The following LGALS16 variants were observed in gnomAD, a reference collection of about 807,000 sequenced individuals.
The protein encoded by LGALS16 is galectin 16, also known as galectin-16.
A neutral mutation model predicts 13.2 loss-of-function variants in LGALS16; 15 were observed. The ratio of observed to expected loss-of-function variants is 1.13; its 90% CI spans 0.76 to 1.75. The LOEUF is 1.75. Among genes scored for constraint, LGALS16 ranks in the 40% most tolerant of loss-of-function variants. The probability of loss-of-function intolerance (pLI) is 0.00; values close to 1 mark genes in which losing one functional copy is unlikely to be tolerated. For missense variants in LGALS16, 198 were observed against 178.4 expected (o/e 1.11, Z -0.63); for synonymous variants, 66 against 65.4 (o/e 1.01, Z -0.05).
chr19:39,660,443 C>A lies in LGALS16; in HGVS notation c.352C>A (p.Pro118Thr), dbSNP rs1973247759. The change falls in exon 4 of 4, where the codon CCA becomes ACA. Residue 118 changes from proline (P) to threonine (T), a missense_variant. Pro to Thr is a conservative substitution (Grantham distance 38). Coordinates refer to ENST00000392051, the MANE Select transcript of LGALS16 (RefSeq NM_001190441.3). ...TTATGCCTTTGTCCATCGAATCCCG[C>A]CATCATATGTGAAGATGATTCAAGT... ...YIYAFVHRIP[P>T]SYVKMIQVWR... 2.6e-6 allele frequency: 4 copies of A among 1,541,578 alleles called. No individual in the cohort carries two copies. The African/African-American group carries it at 5.5e-5, about 21-fold the overall frequency.
rs546684131 is a variant in LGALS16, at chr19:39,656,626, T to C, written c.15+650T>C. Among the ~76,000 whole-genome samples the C allele has an allele frequency of 4.5e-4, 68 of 152,104 alleles. 2 individuals are homozygous for C. In the South Asian group the frequency reaches 0.014, roughly 31 times the overall value. The stretch of plus-strand genomic sequence containing the variant: ...TGAGTTACCAAGGACTTGTTTCAGA[T>C]CACTTATGAGAGCAGAATGTATGAT... On this transcript the variant is annotated intron_variant, in intron 1 of 3. Coordinates refer to ENST00000392051, the MANE Select transcript of LGALS16 (RefSeq NM_001190441.3).
intron 3 of LGALS16, among the ~76,000 whole-genome samples, chr19:39,659,188 C>G (rs1176094256): frequency 2.0e-5 from 3 of 151,826 alleles, no homozygotes; most frequent in South Asian, 4.2e-4. Flanking sequence ...CAACCTCCAC[C>G]TCCCAGATTC....
intron 3 of LGALS16, among the ~76,000 whole-genome samples, 174 bp from the exon 4 acceptor site, chr19:39,660,221 A>G (rs1973243731): frequency 6.6e-6 from 1 of 152,182 alleles, no homozygotes; most frequent in South Asian, 2.1e-4. Flanking sequence ...AAGGTCAGCA[A>G]CTGTCTCAAA....
rs779061956 is a variant in LGALS16, at chr19:39,655,996, C to A, written c.15+20C>A. 6.2e-7 allele frequency: 1 copy of A among 1,611,970 alleles called. No homozygotes were observed. The highest frequency in any genetic ancestry group is 8.5e-7 in the Non-Finnish European group (1 of 1,178,750). On this transcript the variant is annotated intron_variant, in intron 1 of 3. Coordinates refer to ENST00000392051, the MANE Select transcript of LGALS16 (RefSeq NM_001190441.3). The stretch of plus-strand genomic sequence containing the variant: ...CTAACTGTGAGTTGAAAAGGCACAG[C>A]CTTCAATAATCTCAAGTCACACAAA...
intron 3 of LGALS16, among the ~76,000 whole-genome samples, chr19:39,659,339 C>T (rs184958102): frequency 5.5e-4 from 84 of 152,292 alleles, no homozygotes; most frequent in African/African-American, 1.9e-3. Context: ...ATTCAGCCTT[C>T]CAATATAGTG....
Position 39,660,490 on chromosome 19 carries a change from C to T in LGALS16, c.399C>T (p.Asp133=). Reference sequence around the variant, plus strand: ...AAGTGTGGAGAGATGTCTCCCTGGACTCAGTGCTTGTCAACAATGGACGGA... The same window carrying T: ...AAGTGTGGAGAGATGTCTCCCTGGATTCAGTGCTTGTCAACAATGGACGGA... ...MIQVWRDVSL[D]SVLVNNGRR is the part of the protein sequence containing the mutation. The change falls in exon 4 of 4, where the codon GAC becomes GAT. Residue 133 remains aspartate, a synonymous_variant. Coordinates refer to ENST00000392051, the MANE Select transcript of LGALS16 (RefSeq NM_001190441.3). 1 of 1,543,470 alleles carries T rather than the reference C, an allele frequency of 6.5e-7. No homozygotes were observed. Among genetic ancestry groups the T allele is most frequent in the Non-Finnish European group, 8.7e-7 (1 of 1,149,180 alleles).
At position 39,655,922 on chromosome 19, in the gene LGALS16, A is replaced by C; in HGVS notation, c.-40A>C. On this transcript the variant is annotated 5_prime_UTR_variant, in exon 1 of 4. Coordinates refer to ENST00000392051, the MANE Select transcript of LGALS16 (RefSeq NM_001190441.3). ...TGCAACTCAGAGATTCACTCAGAAG[A>C]CTGGACACAATTCCGAAGGTCGCCC... The C allele has an allele frequency of 1.2e-6, 2 of 1,611,982 alleles. No individual in the cohort carries two copies. The highest frequency in any genetic ancestry group is 1.7e-6 in the Non-Finnish European group (2 of 1,178,560).
intron 1 of LGALS16, 36 bp downstream of exon 1, chr19:39,656,012 G>A (rs1038639352): frequency 1.6e-5 from 26 of 1,609,430 alleles, no homozygotes; most frequent in Non-Finnish European, 2.2e-5. Context: ...ATAATCTCAA[G>A]TCACACAAAA....
intron 1 of LGALS16, among the ~76,000 whole-genome samples, chr19:39,657,633 T>A (rs1973208350): frequency 6.6e-6 from 1 of 152,162 alleles, no homozygotes; most frequent in South Asian, 2.1e-4. Context: ...GTAACCGATC[T>A]AAGATTGCAC....
At chr19:39,657,720 C>A (rs1973209512) in intron 1 of LGALS16, 163 bp from the exon 2 acceptor site, 1 of 772,814 alleles carries the variant, frequency 1.3e-6, no homozygotes, top group African/African-American at 1.7e-5. Flanking sequence ...TATGGGTCCA[C>A]CATACCTTCA....
At position 39,658,867 on chromosome 19, in the gene LGALS16, G is replaced by A. The variant is rs192592691; in HGVS notation, c.303+197G>A. Reference sequence around the variant, plus strand: ...CCCAAATCTGACCAAGGTCAAGGTCGGCTCATCTTCCATTTCCCCCAAAGT... The same window carrying A: ...CCCAAATCTGACCAAGGTCAAGGTCAGCTCATCTTCCATTTCCCCCAAAGT... On this transcript the variant is annotated intron_variant, in intron 3 of 3. Coordinates refer to ENST00000392051, the MANE Select transcript of LGALS16 (RefSeq NM_001190441.3). 1.3e-3 allele frequency among the ~76,000 whole-genome samples: 201 copies of A among 152,150 alleles called. No homozygotes were observed. In the South Asian group the frequency reaches 0.016, roughly 12 times the overall value.
intron 2 of LGALS16, among the ~76,000 whole-genome samples, 169 bp from the exon 3 acceptor site, chr19:39,658,291 T>TC (rs781127727): frequency 2.6e-4 from 39 of 152,182 alleles, no homozygotes; most frequent in Non-Finnish European, 7.4e-5. Context: ...GCACAGCATC[T>TC]CCCTGCAGGG....
chr19:39,659,106 T>TC (rs1044023695), intron 3 of LGALS16, among the ~76,000 whole-genome samples: 50 of 151,306 alleles, frequency 3.3e-4, no homozygotes, highest in Middle Eastern at 3.4e-3. Flanking sequence ...CTTTTTCTTT[T>TC]TTTTTTTTTT....
rs547906586 is a variant in LGALS16 at position 39,655,989 on chromosome 19, G to A, written c.15+13G>A. ...GTCATTTCTAACTGTGAGTTGAAAA[G>A]GCACAGCCTTCAATAATCTCAAGTC... On this transcript the variant is annotated intron_variant, in intron 1 of 3. Transcript: ENST00000392051. 3.1e-6 allele frequency: 5 copies of A among 1,612,970 alleles called. No homozygotes were observed. The Admixed American group carries it at 5.0e-5, about 16-fold the overall frequency.
At chr19:39,656,297 G>A (rs1973194041) in intron 1 of LGALS16, among the ~76,000 whole-genome samples, 1 of 152,176 alleles carries the variant, frequency 6.6e-6, no homozygotes, top group Non-Finnish European at 1.5e-5. Context: ...TAAGGGGGGT[G>A]ATTGTACTTT....
intron 3 of LGALS16, among the ~76,000 whole-genome samples, chr19:39,659,525 A>G (rs1830915775): frequency 6.6e-6 from 1 of 152,202 alleles, no homozygotes; most frequent in African/African-American, 2.4e-5. Context: ...TGAAGACATT[A>G]TCAATCCATG....
Position 39,658,492 on chromosome 19 carries a change from C to G in LGALS16, c.125C>G (p.Thr42Ser). 1 of 1,604,100 alleles carries G rather than the reference C, an allele frequency of 6.2e-7. No individual in the cohort carries two copies. Among genetic ancestry groups the G allele is most frequent in the Non-Finnish European group, 8.5e-7 (1 of 1,177,376 alleles). ...CCACAGCTGCAGGTGGATTTCTACA[C>G]TGAGATGAATGAGGACTCAGAAATT... ...NEPQLQVDFYTEMNEDSEIAF... is the reference protein window; with the variant it reads ...NEPQLQVDFYSEMNEDSEIAF... Residue 42 changes from threonine (T) to serine (S), a missense_variant, in exon 3 of 4, where the codon ACT (threonine) becomes AGT (serine). By Grantham distance (58) the Thr-to-Ser change is moderately conservative. Coordinates refer to ENST00000392051, the MANE Select transcript of LGALS16 (RefSeq NM_001190441.3).
At position 39,657,949 on chromosome 19, in the gene LGALS16, G is replaced by T. The variant is rs778289181; in HGVS notation, c.82G>T (p.Asp28Tyr). Residue 28 changes from aspartate (D) to tyrosine (Y), a missense_variant, in exon 2 of 4, where the codon GAC becomes TAC. By Grantham distance (160) the Asp-to-Tyr change is radical. Transcript: ENST00000392051. ...SCVIIKGTLI[D>Y]SSINEPQLQV... ...CGTGATAATCAAAGGGACACTGATC[G>T]ACTCTTCTATGTGAGTACTCCATGG... 1 of 1,613,798 alleles carries T rather than the reference G, an allele frequency of 6.2e-7. No individual in the cohort carries two copies. Among genetic ancestry groups the T allele is most frequent in the African/African-American group, 1.3e-5 (1 of 74,926 alleles).
chr19:39,658,933 C>T (rs1239102675), intron 3 of LGALS16, among the ~76,000 whole-genome samples: 9 of 152,124 alleles, frequency 5.9e-5, no homozygotes, highest in Admixed American at 5.9e-4. Context: ...CTCATTTCTA[C>T]TTATGCCATT....
Sources: allele counts gnomAD v4.1 joint callset (sites outside exome capture counted in the v4.1 genomes callset), GRCh38; gene constraint gnomAD v4.1.1; transcripts MANE v1.5; gene names NCBI Gene and HGNC (gene_info 2026-07-23, HGNC 2026-07-21).